Variants in FRMPD1 observed in about 807,000 individuals in gnomAD.
FRMPD1 encodes the protein FERM and PDZ domain containing 1.
FRMPD1 carries 76 observed loss-of-function variants against 117.8 expected under a neutral mutation model. The observed-to-expected ratio is 0.65, with a 90% confidence interval of 0.54 to 0.78. The LOEUF (loss-of-function observed/expected upper bound fraction) is 0.78, where lower values mean the gene tolerates loss of function less well. Ranked by LOEUF, FRMPD1 falls within the 30% of genes least tolerant of loss-of-function variation. The pLI is 0.00. For missense variants in FRMPD1, 1,786 were observed against 1,964.5 expected (o/e 0.91, Z 1.72); for synonymous variants, 783 against 770.4 (o/e 1.02, Z -0.27).
At chr9:37,675,666 C>G (rs1341120326) in intron 1 of FRMPD1, among the ~76,000 whole-genome samples, 1 of 152,130 alleles carries the variant, frequency 6.6e-6, no homozygotes, top group Admixed American at 6.5e-5. Flanking sequence ...CCAGCATGGG[C>G]TGGTGAGTGC....
At chr9:37,659,142 G>A (rs755409533) in intron 1 of FRMPD1, among the ~76,000 whole-genome samples, 38 of 152,140 alleles carry the variant, frequency 2.5e-4, no homozygotes, top group Non-Finnish European at 3.8e-4. Flanking sequence ...CTGGGATGAC[G>A]GGTGTGAGCT....
chr9:37,700,246 C>G (rs951118062), intron 2 of FRMPD1, among the ~76,000 whole-genome samples: 1 of 152,088 alleles, frequency 6.6e-6, no homozygotes, highest in Non-Finnish European at 1.5e-5. Context: ...GGAAGAATTT[C>G]TCCTTTCAAC....
At chr9:37,705,928 C>G (rs552712033) in intron 2 of FRMPD1, among the ~76,000 whole-genome samples, 1 of 151,206 alleles carries the variant, frequency 6.6e-6, no homozygotes, top group Non-Finnish European at 1.5e-5. Flanking sequence ...CCACTGCACT[C>G]TAGCCTGAGT....
In FRMPD1 at chr9:37,745,979, TG is replaced by T; in HGVS notation, c.3950del (p.Gly1317ValfsTer5). 1 of 1,614,212 alleles carries T rather than the reference TG, an allele frequency of 6.2e-7. No individual in the cohort carries two copies. The highest frequency in any genetic ancestry group is 8.5e-7 in the Non-Finnish European group (1 of 1,180,006). On this transcript the variant is annotated frameshift_variant, in exon 16 of 16. Coordinates refer to ENST00000377765, the MANE Select transcript of FRMPD1 (RefSeq NM_014907.3). LOFTEE classifies it high-confidence loss of function. ...VSASLRVATS[L>X]GFAGMNEMVA... ...GCCAGTCTCAGGGTGGCCACATCTTTGGGTTTTGCAGGCATGAATGAGATGG... is the reference window on the plus strand; with the variant it reads ...GCCAGTCTCAGGGTGGCCACATCTTTGGTTTTGCAGGCATGAATGAGATGG...
At chr9:37,642,930 T>C in the FRMPD1 span, among the ~76,000 whole-genome samples, 2 of 152,246 alleles carry the variant, frequency 1.3e-5, no homozygotes, top group African/African-American at 4.8e-5. Flanking sequence ...TTCTTTTTCC[T>C]GCCTCCCTGT....
At chr9:37,685,390 T>C (rs1821886550) in intron 1 of FRMPD1, among the ~76,000 whole-genome samples, 2 of 152,172 alleles carry the variant, frequency 1.3e-5, no homozygotes, top group East Asian at 1.9e-4. Flanking sequence ...ACGCCTGTAA[T>C]CCCAGCACTT....
intron 15 of FRMPD1, among the ~76,000 whole-genome samples, chr9:37,742,574 C>T (rs1388319782): frequency 4.6e-5 from 7 of 152,100 alleles, no homozygotes; most frequent in East Asian, 1.9e-4. Context: ...TGTGACTGGG[C>T]ATCAGAATCA....
chr9:37,652,400 A>T (rs1480026201), intron 1 of FRMPD1, among the ~76,000 whole-genome samples: 1 of 152,178 alleles, frequency 6.6e-6, no homozygotes, highest in African/African-American at 2.4e-5. Context: ...CTAGAAAGTG[A>T]AATTTATTCT....
chr9:37,723,409 C>A (rs1823481843), intron 6 of FRMPD1, among the ~76,000 whole-genome samples: 1 of 152,184 alleles, frequency 6.6e-6, no homozygotes, highest in African/African-American at 2.4e-5. Context: ...TCATGGGTAT[C>A]CCTTGACAAA....
the FRMPD1 span, chr9:37,636,543 T>A: frequency 8.1e-6 from 5 of 619,010 alleles, no homozygotes; most frequent in Non-Finnish European, 1.4e-5. Flanking sequence ...AGCAGGCAGA[T>A]GGGCCAGAGG....
chr9:37,733,857 A>C, intron 12 of FRMPD1, 32 bp downstream of exon 12: 1 of 1,156,998 alleles, frequency 8.6e-7, no homozygotes, highest in Non-Finnish European at 1.3e-6. Flanking sequence ...AATCCTACTC[A>C]CGTAAGGGAC....
At position 37,687,132 on chromosome 9, in the gene FRMPD1, G is replaced by A. The variant is rs533645524; in HGVS notation, c.-4-5506G>A. Among the ~76,000 whole-genome samples the A allele has an allele frequency of 7.2e-5, 11 of 152,250 alleles. No homozygotes were observed. In the East Asian group the frequency reaches 7.7e-4, roughly 11 times the overall value. On this transcript the variant is annotated intron_variant, in intron 1 of 15. Coordinates refer to ENST00000377765, the MANE Select transcript of FRMPD1 (RefSeq NM_014907.3). ...CAGGCTCCCCTGGAATACCTTCAGC[G>A]TCCAAGATCTTAACAATTCTTGAGG...
the FRMPD1 span, among the ~76,000 whole-genome samples, chr9:37,631,120 C>G: frequency 1.3e-5 from 2 of 151,810 alleles, no homozygotes; most frequent in African/African-American, 4.8e-5. Flanking sequence ...TCGCCTGGGT[C>G]TTGAAGAAGA....
the FRMPD1 span, among the ~76,000 whole-genome samples, chr9:37,631,377 C>T: frequency 4.6e-5 from 7 of 152,136 alleles, no homozygotes; most frequent in African/African-American, 9.7e-5. Flanking sequence ...CACTTGCCAT[C>T]GCTTAGCATT....
At chr9:37,682,716 C>T (rs559650788) in intron 1 of FRMPD1, among the ~76,000 whole-genome samples, 49 of 152,214 alleles carry the variant, frequency 3.2e-4, no homozygotes, top group African/African-American at 1.2e-3. Context: ...ACCAGTCTTC[C>T]AGGTGCTTCT....
Position 37,711,391 on chromosome 9 carries a change from C to T in FRMPD1, c.404C>T (p.Thr135Met), listed in dbSNP as rs373470102. ...CTTTCAATCACAGTTGTTCGCTGCA[C>T]GTCGGTAAATCTCTTTCTATGTCCT... ...DSLSITVVRCTSGVPKSSFLT... is the reference protein window; with the variant it reads ...DSLSITVVRCMSGVPKSSFLT... Residue 135 changes from threonine to methionine, a missense_variant, in exon 5 of 16, where the codon ACG becomes ATG. Coordinates refer to ENST00000377765, the MANE Select transcript of FRMPD1 (RefSeq NM_014907.3). 2.0e-5 allele frequency: 32 copies of T among 1,605,622 alleles called. No homozygotes were observed. In the East Asian group the frequency reaches 4.2e-4, roughly 21 times the overall value.
rs769467183 is a variant in FRMPD1 at position 37,745,157 on chromosome 9, T to A, written c.3125T>A (p.Leu1042Gln). 4.3e-6 allele frequency: 7 copies of A among 1,613,934 alleles called. No individual in the cohort carries two copies. ...GLNNVSQGDTLELQLEPHVQL... is the reference protein window; with the variant it reads ...GLNNVSQGDTQELQLEPHVQL... The stretch of plus-strand genomic sequence containing the variant: ...AATAATGTCTCTCAAGGAGACACAC[T>A]AGAGCTCCAGTTGGAGCCCCATGTC... The change falls in exon 16 of 16, where the codon CTA (leucine) becomes CAA (glutamine). Residue 1042 changes from leucine (L) to glutamine (Q), a missense_variant. Transcript: ENST00000377765.
chr9:37,738,023 G>A (rs1396664993), intron 14 of FRMPD1, among the ~76,000 whole-genome samples: 1 of 152,158 alleles, frequency 6.6e-6, no homozygotes, highest in African/African-American at 2.4e-5. Flanking sequence ...CCAGGCTTTT[G>A]CCTCAGCACC....
chr9:37,666,440 C>T (rs1305905017), intron 1 of FRMPD1, among the ~76,000 whole-genome samples: 4 of 152,192 alleles, frequency 2.6e-5, no homozygotes, highest in Admixed American at 2.6e-4. Flanking sequence ...TTTTATGCCT[C>T]ATCGTCTTCA....
Sources: gnomAD v4.1 joint callset for allele counts (sites outside exome capture counted in the v4.1 genomes callset) on GRCh38, gnomAD v4.1.1 for gene constraint, MANE v1.5 for transcripts, NCBI Gene and HGNC (gene_info 2026-07-23, HGNC 2026-07-21) for gene names.